The following SLC25A21 variants were observed in gnomAD, a reference collection of about 807,000 sequenced individuals.
SLC25A21 encodes the protein solute carrier family 25 member 21, also known as mitochondrial 2-oxodicarboxylate carrier.
A neutral mutation model predicts 43.8 loss-of-function variants in SLC25A21; 47 were observed. That is an observed-to-expected ratio of 1.07 (90% CI 0.85 to 1.37). The LOEUF is 1.37. Among genes scored for constraint, SLC25A21 ranks in the 40% most tolerant of loss-of-function variants. The pLI, the probability that SLC25A21 is intolerant of heterozygous loss-of-function variation, is 0.00. For synonymous variants in SLC25A21, 131 were observed against 121.3 expected (o/e 1.08, Z -0.52); for missense variants, 352 against 350.2 (o/e 1.00, Z -0.04).
At chr14:37,135,026 C>A (rs1963455342) in intron 1 of SLC25A21, among the ~76,000 whole-genome samples, 1 of 151,596 alleles carries the variant, frequency 6.6e-6, no homozygotes, top group South Asian at 2.1e-4. Context: ...CTCACAGGTT[C>A]AAGCGATTCT....
intron 4 of SLC25A21, among the ~76,000 whole-genome samples, chr14:36,734,041 TTA>T (rs34114912): frequency 0.16 from 24,022 of 152,054 alleles, 2,465 homozygotes; most frequent in Admixed American, 0.32. Context: ...TTCCAAAAAA[TTA>T]TGTTATATGA....
chr14:36,764,107 G>GGAAAGAAGGAAAGAAGGAAA (rs1566587782), intron 3 of SLC25A21, among the ~76,000 whole-genome samples: 1 of 43,068 alleles, frequency 2.3e-5, no homozygotes. Context: ...AAGGAAGGAA[G>GGAAAGAAGGAAAGAAGGAAA]GAAGGAAAGA....
rs116608204 is a variant in SLC25A21, at chr14:37,078,885, C to T, written c.70+93396G>A. ...TGCATGTTTTAAAATGGTTTGCATTCGAGAATCAATTTAACCACAACAGAA... is the reference window on the plus strand; with the variant it reads ...TGCATGTTTTAAAATGGTTTGCATTTGAGAATCAATTTAACCACAACAGAA... On this transcript the variant is annotated intron_variant, in intron 1 of 9. Coordinates refer to ENST00000331299, the MANE Select transcript of SLC25A21 (RefSeq NM_030631.4). 2.4e-3 allele frequency among the ~76,000 whole-genome samples: 363 copies of T among 148,920 alleles called. 4 individuals are homozygous for T. The highest frequency in any genetic ancestry group is 8.9e-3 in the African/African-American group (357 of 40,310).
intron 2 of SLC25A21, among the ~76,000 whole-genome samples, chr14:36,863,476 T>A (rs1446061113): frequency 6.6e-6 from 1 of 152,154 alleles, no homozygotes; most frequent in Non-Finnish European, 1.5e-5. Flanking sequence ...AAATAGCTTG[T>A]TCCTCTAGGG....
At chr14:36,842,484 T>A (rs890389121) in intron 2 of SLC25A21, among the ~76,000 whole-genome samples, 1 of 152,166 alleles carries the variant, frequency 6.6e-6, no homozygotes, top group African/African-American at 2.4e-5. Context: ...TGAAGTGACT[T>A]TGCAAAGTCA....
chr14:37,122,494 G>A (rs909737456), intron 1 of SLC25A21, among the ~76,000 whole-genome samples: 41 of 152,196 alleles, frequency 2.7e-4, no homozygotes, highest in Admixed American at 2.3e-3. Context: ...CTGTCAAAGT[G>A]CTCACTGTTT....
Position 37,172,323 on chromosome 14 carries a change from C to G in SLC25A21, c.28G>C (p.Val10Leu), listed in dbSNP as rs754003257. 2 of 1,603,266 alleles carry G rather than the reference C, an allele frequency of 1.2e-6. No individual in the cohort carries two copies. The highest frequency in any genetic ancestry group is 1.7e-6 in the Non-Finnish European group (2 of 1,175,082). The change falls in exon 1 of 10, where the codon GTG (valine) becomes CTG (leucine). Residue 10 changes from valine to leucine, a missense_variant. Physicochemically the swap from Val to Leu is conservative, Grantham distance 32. Transcript: ENST00000331299. MSAKPEVSL[V>L]REASRQIVAG... The stretch of plus-strand genomic sequence containing the variant: ...ACGATCTGCCGAGAAGCCTCGCGCA[C>G]TAAGCTGACTTCAGGCTTGGCGGAC...
At chr14:37,101,062 C>T (rs997037069) in intron 1 of SLC25A21, among the ~76,000 whole-genome samples, 1 of 152,110 alleles carries the variant, frequency 6.6e-6, no homozygotes, top group African/African-American at 2.4e-5. Context: ...TTCACAGATA[C>T]ACTATCTTTC....
At chr14:37,036,949 T>C (rs1459547481) in intron 1 of SLC25A21, among the ~76,000 whole-genome samples, 1 of 152,200 alleles carries the variant, frequency 6.6e-6, no homozygotes, top group Admixed American at 6.5e-5. Flanking sequence ...CCTGTTTACT[T>C]AGCTAGCCCT....
chr14:37,147,840 T>TTTTC (rs931647002), intron 1 of SLC25A21, among the ~76,000 whole-genome samples: 1 of 23,452 alleles, frequency 4.3e-5, no homozygotes. Flanking sequence ...CTTTTTTTTC[T>TTTTC]TTTCTTTTTT....
chr14:36,783,451 C>A (rs1887144723), intron 3 of SLC25A21, among the ~76,000 whole-genome samples: 1 of 152,196 alleles, frequency 6.6e-6, no homozygotes. Context: ...CTTCCTTGGT[C>A]TCAGCCTCTC....
chr14:36,817,051 T>C (rs533085500), intron 2 of SLC25A21, among the ~76,000 whole-genome samples: 5 of 152,144 alleles, frequency 3.3e-5, no homozygotes, highest in Non-Finnish European at 5.9e-5. Context: ...ATATCCGTAA[T>C]AAGCTTTAAT....
Position 37,052,227 on chromosome 14 carries a change from C to A in SLC25A21, c.70+120054G>T, listed in dbSNP as rs888866961. On this transcript the variant is annotated intron_variant, in intron 1 of 9. Coordinates refer to ENST00000331299, the MANE Select transcript of SLC25A21 (RefSeq NM_030631.4). ...AAATGAAGAACTAAAGAAATGTGAT[C>A]CAGGGATGCAAGTATTTTTTATCAT... 2.0e-5 allele frequency among the ~76,000 whole-genome samples: 3 copies of A among 152,248 alleles called. No homozygotes were observed. The East Asian group carries it at 5.8e-4, about 29-fold the overall frequency.
At chr14:36,930,462 C>T (rs1460079275) in intron 1 of SLC25A21, among the ~76,000 whole-genome samples, 1 of 152,072 alleles carries the variant, frequency 6.6e-6, no homozygotes, top group Non-Finnish European at 1.5e-5. Flanking sequence ...CCAAGTTCTC[C>T]ACAGTCTACC....
intron 1 of SLC25A21, among the ~76,000 whole-genome samples, chr14:37,079,301 T>C (rs906150672): frequency 6.6e-6 from 1 of 152,168 alleles, no homozygotes; most frequent in African/African-American, 2.4e-5. Flanking sequence ...TGCATCATGT[T>C]CAGAACTGAA....
intron 1 of SLC25A21, among the ~76,000 whole-genome samples, chr14:36,932,855 T>C (rs912201666): frequency 6.6e-6 from 1 of 151,982 alleles, no homozygotes; most frequent in Non-Finnish European, 1.5e-5. Context: ...CTTGACTATT[T>C]CGTGACTCCA....
chr14:37,064,755 T>C (rs1051790603), intron 1 of SLC25A21, among the ~76,000 whole-genome samples: 21 of 152,196 alleles, frequency 1.4e-4, no homozygotes, highest in Admixed American at 2.0e-4. Context: ...TTATCCTATT[T>C]CACTTCCAGG....
At position 37,010,891 on chromosome 14, in the gene SLC25A21, C is replaced by T. The variant is rs180702982; in HGVS notation, c.71-135887G>A. Among the ~76,000 whole-genome samples the T allele has an allele frequency of 5.3e-5, 8 of 152,016 alleles. No individual in the cohort carries two copies. In the East Asian group the frequency reaches 1.4e-3, roughly 26 times the overall value. The stretch of plus-strand genomic sequence containing the variant: ...TCCCAAGTAGCTGGGACTAGCGGTA[C>T]GCACCGCCAAGTCCAGCTGACTTCT... On this transcript the variant is annotated intron_variant, in intron 1 of 9. Coordinates refer to ENST00000331299, the MANE Select transcript of SLC25A21 (RefSeq NM_030631.4).
At chr14:37,005,184 G>A (rs1377114509) in intron 1 of SLC25A21, among the ~76,000 whole-genome samples, 1 of 149,384 alleles carries the variant, frequency 6.7e-6, no homozygotes, top group Non-Finnish European at 1.5e-5. Context: ...AAGTGCACAA[G>A]AGCGCACACA....
Sources: allele counts gnomAD v4.1 joint callset (sites outside exome capture counted in the v4.1 genomes callset), GRCh38; gene constraint gnomAD v4.1.1; transcripts MANE v1.5; gene names NCBI Gene and HGNC (gene_info 2026-07-23, HGNC 2026-07-21).